CHAF1B: variants seen among roughly 807,000 people sequenced by gnomAD.
CHAF1B encodes the protein CAF-1 subunit B.
Under a neutral mutation model 60.7 loss-of-function variants are expected in CHAF1B, and 10 were observed. That is an observed-to-expected ratio of 0.16 (90% CI 0.10 to 0.28). The LOEUF (loss-of-function observed/expected upper bound fraction) is 0.28. Among genes scored for constraint, CHAF1B ranks in the 10% least tolerant of loss-of-function variants. The pLI, the probability that CHAF1B is intolerant of heterozygous loss-of-function variation, is 1.00. For synonymous variants in CHAF1B, 261 were observed against 266.1 expected (o/e 0.98, Z 0.19); for missense variants, 558 against 708.4 (o/e 0.79, Z 2.41).
chr21:36,399,165 G>A (rs1016137281), intron 6 of CHAF1B, among the ~76,000 whole-genome samples: 2 of 151,616 alleles, frequency 1.3e-5, no homozygotes, highest in African/African-American at 4.9e-5. Context: ...CTCCCGAGTA[G>A]CAGGGATTAC....
intron 7 of CHAF1B, 91 bp downstream of exon 7, chr21:36,399,696 C>A: frequency 9.6e-7 from 1 of 1,045,818 alleles, no homozygotes; most frequent in Non-Finnish European, 1.5e-6. Flanking sequence ...AGCCAAATCA[C>A]TGGCCACAAA....
chr21:36,402,884 A>G (rs2086202944), intron 8 of CHAF1B, 33 bp downstream of exon 8: 2 of 1,537,098 alleles, frequency 1.3e-6, no homozygotes, highest in Non-Finnish European at 1.8e-6. Flanking sequence ...TAAAGGAATG[A>G]TGGCCGAGTG....
At chr21:36,400,111 A>C (rs1326162421) in intron 7 of CHAF1B, among the ~76,000 whole-genome samples, 1 of 152,130 alleles carries the variant, frequency 6.6e-6, no homozygotes, top group Non-Finnish European at 1.5e-5. Flanking sequence ...TGGGAGGCGG[A>C]GGTCTTAGCC....
chr21:36,386,145 C>A lies in CHAF1B; in HGVS notation c.9C>A (p.Val3=). The change falls in exon 2 of 14, where the codon GTC becomes GTA. Residue 3 remains valine, a synonymous_variant. Transcript: ENST00000314103. ...CTTCGAGACTCAGGAGGATGAAAGTCATCACTTGTGAAATAGCCTGGCACA... is the reference window on the plus strand; with the variant it reads ...CTTCGAGACTCAGGAGGATGAAAGTAATCACTTGTGAAATAGCCTGGCACA... MK[V]ITCEIAWHNK... is the part of the protein sequence containing the mutation. 5.0e-6 allele frequency: 8 copies of A among 1,614,118 alleles called. No homozygotes were observed. Among genetic ancestry groups the A allele is most frequent in the Non-Finnish European group, 6.8e-6 (8 of 1,180,016 alleles).
At chr21:36,394,504 C>A in intron 4 of CHAF1B, 43 bp from the exon 5 acceptor site, 1 of 1,376,040 alleles carries the variant, frequency 7.3e-7, no homozygotes, top group Admixed American at 1.7e-5. Flanking sequence ...GCTGCTATAC[C>A]TGGGGAGTAA....
intron 4 of CHAF1B, among the ~76,000 whole-genome samples, chr21:36,394,029 G>A (rs1324622616): frequency 6.6e-6 from 1 of 151,362 alleles, no homozygotes; most frequent in Non-Finnish European, 1.5e-5. Flanking sequence ...CCCCCAAGTA[G>A]CAGGGACTAC....
chr21:36,414,955 C>T (rs1357634091), intron 12 of CHAF1B, among the ~76,000 whole-genome samples: 4 of 152,214 alleles, frequency 2.6e-5, no homozygotes, highest in Non-Finnish European at 5.9e-5. Flanking sequence ...TGTTTCGACG[C>T]TTTCTATATA....
Position 36,402,845 on chromosome 21 carries a change from A to G in CHAF1B, c.751A>G (p.Thr251Ala). The change falls in exon 8 of 14, where the codon ACG becomes GCG. Residue 251 changes from threonine to alanine, a missense_variant. Thr to Ala is a moderately conservative substitution (Grantham distance 58). Transcript: ENST00000314103. ...SFTPDGSLLL[T>A]PAGCVESGEN... ...CACTCCCGACGGATCTTTGCTTCTCACGCCAGGTGTGTTTCGTAGCTTTGG... is the reference window on the plus strand; with the variant it reads ...CACTCCCGACGGATCTTTGCTTCTCGCGCCAGGTGTGTTTCGTAGCTTTGG... 1 of 1,613,334 alleles carries G rather than the reference A, an allele frequency of 6.2e-7. No homozygotes were observed. The highest frequency in any genetic ancestry group is 8.5e-7 in the Non-Finnish European group (1 of 1,179,454).
intron 8 of CHAF1B, among the ~76,000 whole-genome samples, chr21:36,404,852 T>C (rs2086224697): frequency 6.7e-6 from 1 of 149,234 alleles, no homozygotes; most frequent in African/African-American, 2.5e-5. Context: ...CAAGCGATTC[T>C]CCTGCCTCAG....
At chr21:36,387,470 C>G in intron 2 of CHAF1B, 128 bp from the exon 3 acceptor site, 1 of 1,154,974 alleles carries the variant, frequency 8.7e-7, no homozygotes, top group Non-Finnish European at 1.3e-6. Flanking sequence ...ATTTACCCAC[C>G]TTGGCCTCCT....
At chr21:36,402,930 A>G in intron 8 of CHAF1B, 79 bp downstream of exon 8, 1 of 1,171,408 alleles carries the variant, frequency 8.5e-7, no homozygotes, top group Non-Finnish European at 1.3e-6. Flanking sequence ...GCAGCTTATC[A>G]GCTCAGTGAA....
chr21:36,404,399 CT>C (rs568032202), intron 8 of CHAF1B, among the ~76,000 whole-genome samples: 270 of 136,214 alleles, frequency 2.0e-3, no homozygotes, highest in African/African-American at 3.8e-3. Flanking sequence ...ACGCCCGGCC[CT>C]TTTTTTTTTT....
rs890862494 is a variant in CHAF1B, at chr21:36,389,299, A to G, written c.259+1569A>G. Among the ~76,000 whole-genome samples, 6 of 152,064 alleles carry G rather than the reference A, an allele frequency of 3.9e-5. No homozygotes were observed. The East Asian group carries it at 7.7e-4, about 20-fold the overall frequency. ...TCTGCCTGTGCTTAAATGGGATAAA[A>G]CTATATGGAAAAAGTAAACCAGGCT... On this transcript the variant is annotated intron_variant, in intron 3 of 13. Coordinates refer to ENST00000314103, the MANE Select transcript of CHAF1B (RefSeq NM_005441.3).
At chr21:36,391,481 T>C in intron 3 of CHAF1B, 70 bp from the exon 4 acceptor site, 1 of 790,246 alleles carries the variant, frequency 1.3e-6, no homozygotes. Flanking sequence ...AAAAAAAAAA[T>C]GAAAATAAAA....
At position 36,394,537 on chromosome 21, in the gene CHAF1B, T is replaced by G. The variant is rs1363582076; in HGVS notation, c.378-10T>G. The stretch of plus-strand genomic sequence containing the variant: ...TAATTGCTTTTTTCCTCTTTGTTTT[T>G]GGATTCTAGGGGCCACTTAGAAGAT... On this transcript the variant is annotated splice_polypyrimidine_tract_variant and intron_variant, in intron 4 of 13. Coordinates refer to ENST00000314103, the MANE Select transcript of CHAF1B (RefSeq NM_005441.3). 1 of 1,600,358 alleles carries G rather than the reference T, an allele frequency of 6.2e-7. No individual in the cohort carries two copies. The highest frequency in any genetic ancestry group is 8.6e-7 in the Non-Finnish European group (1 of 1,169,068).
intron 4 of CHAF1B, among the ~76,000 whole-genome samples, chr21:36,391,907 A>ATTTTTTTTTTTTT (rs55920360): frequency 4.5e-5 from 3 of 67,038 alleles, no homozygotes; most frequent in African/African-American, 1.6e-4. Flanking sequence ...TGATTTTTAA[A>ATTTTTTTTTTTTT]TTTTTTTTTT....
intron 6 of CHAF1B, among the ~76,000 whole-genome samples, chr21:36,399,169 G>A (rs1417932897): frequency 1.3e-5 from 2 of 151,752 alleles, no homozygotes; most frequent in East Asian, 1.9e-4. Context: ...CGAGTAGCAG[G>A]GATTACAGGC....
chr21:36,391,907 ATTTT>A (rs55920360), intron 4 of CHAF1B, among the ~76,000 whole-genome samples: 1 of 67,040 alleles, frequency 1.5e-5, no homozygotes. Flanking sequence ...TGATTTTTAA[ATTTT>A]TTTTTTTTTT....
chr21:36,415,784 G>C (rs966843340), intron 13 of CHAF1B: 4 of 395,860 alleles, frequency 1.0e-5, no homozygotes, highest in Non-Finnish European at 1.9e-5. Context: ...ATGCAGTCTT[G>C]CTCTGTCGCC....
Sources: gnomAD v4.1 joint callset for allele counts (sites outside exome capture counted in the v4.1 genomes callset) on GRCh38, gnomAD v4.1.1 for gene constraint, MANE v1.5 for transcripts, NCBI Gene and HGNC (gene_info 2026-07-23, HGNC 2026-07-21) for gene names.